SIPA1L2: variants seen among roughly 807,000 people sequenced by gnomAD.
The protein encoded by SIPA1L2 is signal induced proliferation associated 1 like 2.
In SIPA1L2, 56 loss-of-function variants were observed where a neutral mutation model predicts 163.9. That is an observed-to-expected ratio of 0.34 (90% CI 0.28 to 0.43). The LOEUF is 0.43. Among genes scored for constraint, SIPA1L2 ranks in the 20% least tolerant of loss-of-function variants. SIPA1L2 has a pLI of 1.00. For missense variants in SIPA1L2, 1,974 were observed against 2,193.5 expected, an observed-to-expected ratio of 0.90 and a Z score of 2.00; for synonymous variants, 877 against 865.7, an observed-to-expected ratio of 1.01 and a Z score of -0.23.
intron 7 of SIPA1L2, among the ~76,000 whole-genome samples, chr1:232,474,676 T>G (rs1664951226): frequency 6.6e-6 from 1 of 152,146 alleles, no homozygotes; most frequent in Non-Finnish European, 1.5e-5. Flanking sequence ...TACTCTGATG[T>G]GATCAATACA....
chr1:232,561,961 A>G (rs761677354), intron 2 of SIPA1L2, among the ~76,000 whole-genome samples: 32 of 152,232 alleles, frequency 2.1e-4, no homozygotes, highest in Non-Finnish European at 4.4e-4. Flanking sequence ...AGGAGGCCAT[A>G]AAGCCAACCA....
Position 232,401,378 on chromosome 1 carries a change from C to T in SIPA1L2, c.5022+1014G>A, listed in dbSNP as rs547837428. On this transcript the variant is annotated intron_variant, in intron 22 of 22. Coordinates refer to ENST00000674635, the MANE Select transcript of SIPA1L2 (RefSeq NM_020808.5). Reference sequence around the variant, plus strand: ...CTTTAATTTATGCTCCAAATTCAAACGTGCTTTAGCTTTTTTTGGGCAAGT... The same window carrying T: ...CTTTAATTTATGCTCCAAATTCAAATGTGCTTTAGCTTTTTTTGGGCAAGT... Among the ~76,000 whole-genome samples the T allele has an allele frequency of 3.9e-5, 6 of 152,290 alleles. No individual in the cohort carries two copies. The South Asian group carries it at 1.0e-3, about 26-fold the overall frequency.
intron 15 of SIPA1L2, among the ~76,000 whole-genome samples, chr1:232,434,052 A>T (rs1369246881): frequency 1.3e-5 from 2 of 152,174 alleles, no homozygotes; most frequent in Non-Finnish European, 2.9e-5. Context: ...ACAGAAAGTG[A>T]CCCAGCAAAG....
At position 232,515,406 on chromosome 1, in the gene SIPA1L2, G is replaced by A. The variant is rs746730755; in HGVS notation, c.-67C>T. ...ATGTAAATCTAATTACATTGCTACC[G>A]ACCACGCCATAATACTTGCAGATAT... On this transcript the variant is annotated 5_prime_UTR_variant, in exon 3 of 23. Transcript: ENST00000674635. The A allele has an allele frequency of 1.6e-5, 23 of 1,464,288 alleles. No homozygotes were observed. The highest frequency in any genetic ancestry group is 1.8e-4 in the Middle Eastern group (1 of 5,526). 90.7% of individuals were successfully genotyped at this position (1,464,288 alleles called of 1,614,324 possible). A position where few individuals can be genotyped will look rare whatever the true frequency, so the allele number is the denominator to read the frequency against.
chr1:232,623,486 T>C (rs148383853), intron 1 of SIPA1L2, among the ~76,000 whole-genome samples: 4,325 of 152,184 alleles, frequency 0.028, 73 homozygotes, highest in South Asian at 0.038. Context: ...CAGGCACCTG[T>C]AGTCCCAGCT....
At chr1:232,490,846 C>T in intron 5 of SIPA1L2, 28 bp downstream of exon 5, 1 of 1,563,618 alleles carries the variant, frequency 6.4e-7, no homozygotes, top group South Asian at 1.2e-5. Flanking sequence ...AATTCACACA[C>T]AAACATACAA....
At chr1:232,491,148 G>C in intron 4 of SIPA1L2, 86 bp from the exon 5 acceptor site, 1 of 1,225,206 alleles carries the variant, frequency 8.2e-7, no homozygotes, top group Non-Finnish European at 1.1e-6. Flanking sequence ...CTTAAGACAG[G>C]AAAAAGAGAA....
chr1:232,577,271 A>G (rs1397990718), intron 1 of SIPA1L2, among the ~76,000 whole-genome samples: 1 of 152,198 alleles, frequency 6.6e-6, no homozygotes, highest in Admixed American at 6.5e-5. Flanking sequence ...ATTATTTACT[A>G]AATATTTTAA....
chr1:232,416,455 T>C (rs182517833), intron 18 of SIPA1L2, among the ~76,000 whole-genome samples: 70 of 152,332 alleles, frequency 4.6e-4, no homozygotes, highest in Non-Finnish European at 8.4e-4. Flanking sequence ...GGGGCTTCTT[T>C]TGAGTACATC....
At chr1:232,543,349 T>TA (rs1319678190) in intron 2 of SIPA1L2, among the ~76,000 whole-genome samples, 2 of 152,194 alleles carry the variant, frequency 1.3e-5, no homozygotes, top group Non-Finnish European at 2.9e-5. Flanking sequence ...TGGGTCCACT[T>TA]ATACACATAT....
chr1:232,578,273 T>A (rs1051410151), intron 1 of SIPA1L2, among the ~76,000 whole-genome samples: 4 of 150,702 alleles, frequency 2.7e-5, no homozygotes, highest in African/African-American at 9.8e-5. Context: ...AAAAAAAAAA[T>A]CTGTGTGACT....
chr1:232,525,849 T>C (rs533406393), intron 2 of SIPA1L2, among the ~76,000 whole-genome samples: 1 of 152,252 alleles, frequency 6.6e-6, no homozygotes, highest in African/African-American at 2.4e-5. Context: ...ATGAGTCTAA[T>C]CACCACCTGA....
intron 14 of SIPA1L2, among the ~76,000 whole-genome samples, chr1:232,439,894 T>C (rs1662789065): frequency 6.6e-6 from 1 of 152,176 alleles, no homozygotes; most frequent in Non-Finnish European, 1.5e-5. Context: ...AGTGCCAGCC[T>C]TGAGTTCAGG....
At chr1:232,512,450 C>T (rs1212992742) in intron 3 of SIPA1L2, among the ~76,000 whole-genome samples, 1 of 152,056 alleles carries the variant, frequency 6.6e-6, no homozygotes, top group Non-Finnish European at 1.5e-5. Context: ...ATTTACAATA[C>T]CAAAGACTTG....
intron 1 of SIPA1L2, among the ~76,000 whole-genome samples, chr1:232,613,382 T>G (rs1040850270): frequency 6.6e-6 from 1 of 152,230 alleles, no homozygotes; most frequent in Non-Finnish European, 1.5e-5. Context: ...GAAGGCATCC[T>G]GGTGGTAAAG....
rs550831429 is a variant in SIPA1L2, at chr1:232,470,154, A to G, written c.2243+1217T>C. ...GCCAACTCACCAGGTTTGTACCAAT[A>G]TTATCTATTTTAAGCCTATCATTTG... On this transcript the variant is annotated intron_variant, in intron 8 of 22. Coordinates refer to ENST00000674635, the MANE Select transcript of SIPA1L2 (RefSeq NM_020808.5). Among the ~76,000 whole-genome samples, 6 of 152,286 alleles carry G rather than the reference A, an allele frequency of 3.9e-5. No homozygotes were observed. The South Asian group carries it at 1.2e-3, about 32-fold the overall frequency.
intron 18 of SIPA1L2, among the ~76,000 whole-genome samples, chr1:232,424,541 A>C (rs1009477904): frequency 4.6e-5 from 7 of 152,150 alleles, no homozygotes; most frequent in Non-Finnish European, 8.8e-5. Context: ...CAAAAAAGAG[A>C]AAACAGCTGG....
chr1:232,439,205 T>C lies in SIPA1L2; in HGVS notation c.3934A>G (p.Lys1312Glu). 1 of 1,613,780 alleles carries C rather than the reference T, an allele frequency of 6.2e-7. No homozygotes were observed. Among genetic ancestry groups the C allele is most frequent in the Non-Finnish European group, 8.5e-7 (1 of 1,180,042 alleles). Residue 1312 changes from lysine (K) to glutamate (E), a missense_variant, in exon 15 of 23, where the codon AAG becomes GAG. Transcript: ENST00000674635. ...DVSGPDDEPA[K>E]LYSVHGYAST... ...GCGTAGCCATGCACAGAATATAACT[T>C]GGCTGGCTCGTCGTCAGGCCCAGAG...
At chr1:232,443,475 A>C (rs542822488) in intron 12 of SIPA1L2, 127 bp downstream of exon 12, 1 of 612,920 alleles carries the variant, frequency 1.6e-6, no homozygotes, top group African/African-American at 1.9e-5. Flanking sequence ...ACTTGTTAAA[A>C]GCATGTCTGG....
Sources: gnomAD v4.1 joint callset for allele counts (sites outside exome capture counted in the v4.1 genomes callset) on GRCh38, gnomAD v4.1.1 for gene constraint, MANE v1.5 for transcripts, NCBI Gene and HGNC (gene_info 2026-07-23, HGNC 2026-07-21) for gene names.